Variants in SETD7 observed in about 807,000 individuals in gnomAD.
SETD7 encodes histone-lysine N-methyltransferase SETD7.
A neutral mutation model predicts 41.8 loss-of-function variants in SETD7; 16 were observed. That is an observed-to-expected ratio of 0.38 (90% CI 0.26 to 0.58). The LOEUF (loss-of-function observed/expected upper bound fraction) is 0.58, where lower values mean the gene tolerates loss of function less well. Ranked by LOEUF, SETD7 falls within the 20% of genes least tolerant of loss-of-function variation. The pLI is 0.64. For missense variants in SETD7, 346 were observed against 459.7 expected (o/e 0.75, Z 2.26); for synonymous variants, 163 against 169.7 (o/e 0.96, Z 0.31).
At chr4:139,549,697 T>C (rs1168911171) in intron 1 of SETD7, among the ~76,000 whole-genome samples, 1 of 152,156 alleles carries the variant, frequency 6.6e-6, no homozygotes, top group Non-Finnish European at 1.5e-5. Flanking sequence ...CCTCAACTTG[T>C]AGGCTCAAGT....
intron 5 of SETD7, among the ~76,000 whole-genome samples, chr4:139,520,975 G>C (rs1727163282): frequency 6.6e-6 from 1 of 152,120 alleles, no homozygotes; most frequent in African/African-American, 2.4e-5. Flanking sequence ...AGTTTTATTG[G>C]GACACAGCCA....
At chr4:139,548,487 C>T (rs1279681329) in intron 1 of SETD7, among the ~76,000 whole-genome samples, 1 of 152,166 alleles carries the variant, frequency 6.6e-6, no homozygotes, top group African/African-American at 2.4e-5. Context: ...AAAAAATTAG[C>T]CAGGCATGGT....
chr4:139,526,899 C>CATAG (rs1727349131), intron 4 of SETD7, among the ~76,000 whole-genome samples: 1 of 152,202 alleles, frequency 6.6e-6, no homozygotes, highest in African/African-American at 2.4e-5. Flanking sequence ...AGATCAAGGG[C>CATAG]ATAGATATCA....
In SETD7 at chr4:139,507,327, T is replaced by C. The variant is rs1726731424; in HGVS notation, c.*4336A>G. On this transcript the variant is annotated 3_prime_UTR_variant, in exon 8 of 8. Transcript: ENST00000274031. ...AACACACCTCCATTAGCACCTAACT[T>C]CCACCAGGAAGCGGCTGAGGCACTG... The C allele has an allele frequency of 2.6e-5, 4 of 152,632 alleles. No homozygotes were observed. In the South Asian group the frequency reaches 8.3e-4, roughly 32 times the overall value. The allele number at this position is 152,632 out of a possible 1,614,324, so 9.5% of individuals were successfully genotyped here.
Position 139,511,760 on chromosome 4 carries a change from T to C in SETD7, c.1004A>G (p.Tyr335Cys). ...CCCGGGGGGGCTGTGGTCATAGCCA[T>C]AGGCAACGGTGAGCTCTTCATCGGC... ...VEADEELTVA[Y>C]GYDHSPPGKS... Residue 335 changes from tyrosine (Y) to cysteine (C), a missense_variant, in exon 8 of 8, where the codon TAT becomes TGT. Transcript: ENST00000274031. 1 of 1,614,156 alleles carries C rather than the reference T, an allele frequency of 6.2e-7. No individual in the cohort carries two copies. Among genetic ancestry groups the C allele is most frequent in the Non-Finnish European group, 8.5e-7 (1 of 1,180,006 alleles).
At position 139,509,860 on chromosome 4, in the gene SETD7, G is replaced by T; in HGVS notation, c.*1803C>A. Reference sequence around the variant, plus strand: ...AAGCACTGACAACTTCCTCTCATGGGTGAACCATTGGCTTAAGCTTTCAAG... The same window carrying T: ...AAGCACTGACAACTTCCTCTCATGGTTGAACCATTGGCTTAAGCTTTCAAG... On this transcript the variant is annotated 3_prime_UTR_variant, in exon 8 of 8. Transcript: ENST00000274031. The T allele has an allele frequency of 1.0e-6, 1 of 985,434 alleles. No individual in the cohort carries two copies. The highest frequency in any genetic ancestry group is 1.2e-6 in the Non-Finnish European group (1 of 829,948). 61.0% of individuals were successfully genotyped at this position (985,434 alleles called of 1,614,324 possible). A position where few individuals can be genotyped will look rare whatever the true frequency, so the allele number is the denominator to read the frequency against.
intron 7 of SETD7, among the ~76,000 whole-genome samples, chr4:139,515,836 G>T (rs1727008240): frequency 6.6e-6 from 1 of 152,158 alleles, no homozygotes; most frequent in Non-Finnish European, 1.5e-5. Flanking sequence ...ATCTGATTTT[G>T]CTTATGCTAA....
At chr4:139,546,855 G>A (rs1727962441) in intron 2 of SETD7, 65 bp downstream of exon 2, 3 of 1,601,408 alleles carry the variant, frequency 1.9e-6, no homozygotes, top group Admixed American at 1.7e-5. Flanking sequence ...TCTTTCGTTT[G>A]TATTAGTCCT....
chr4:139,520,104 T>TA (rs200981058), intron 6 of SETD7, among the ~76,000 whole-genome samples, 173 bp downstream of exon 6: 1,715 of 152,154 alleles, frequency 0.011, 43 homozygotes, highest in African/African-American at 0.039. Flanking sequence ...CTGGAACTTT[T>TA]AAAAAAAATC....
intron 3 of SETD7, among the ~76,000 whole-genome samples, chr4:139,530,022 G>A (rs1489558798): frequency 2.0e-5 from 3 of 152,180 alleles, no homozygotes; most frequent in South Asian, 2.1e-4. Flanking sequence ...TTAGGGAAGA[G>A]GCTATCATAT....
chr4:139,496,329 C>A (rs1726454071), exon 8 of SETD7: 1 of 700,120 alleles, frequency 1.4e-6, no homozygotes, highest in Non-Finnish European at 2.6e-6. Context: ...AGGCAGAGTT[C>A]ATTCCATTCG....
intron 3 of SETD7, among the ~76,000 whole-genome samples, chr4:139,530,145 G>GTTTC (rs199851029): frequency 9.9e-5 from 15 of 152,092 alleles, no homozygotes; most frequent in East Asian, 3.9e-4. Flanking sequence ...TGCCAGAGAT[G>GTTTC]TTTCTTTCTT....
rs1417309842 is a variant in SETD7, at chr4:139,496,170, A to G, written c.*183T>C. ...TATCTAATCAAGTCCTGCTGGTTTG[A>G]GGGTCTTTTTCCCCCCTCTGGTGAC... On this transcript the variant is annotated 3_prime_UTR_variant, in exon 8 of 8. Transcript: ENST00000506866. The G allele has an allele frequency of 1.3e-5, 6 of 474,118 alleles. No homozygotes were observed. The Admixed American group carries it at 1.9e-4, about 15-fold the overall frequency. The allele number at this position is 474,118 out of a possible 1,614,324, so 29.4% of individuals were successfully genotyped here.
intron 5 of SETD7, 30 bp from the exon 6 acceptor site, chr4:139,520,424 CT>C: frequency 1.5e-6 from 2 of 1,315,600 alleles, no homozygotes; most frequent in Non-Finnish European, 2.1e-6. Context: ...GAATAGTGAC[CT>C]TTTCAGCTTA....
At chr4:139,518,169 C>T (rs752093193) in intron 6 of SETD7, 127 bp from the exon 7 acceptor site, 2 of 1,043,366 alleles carry the variant, frequency 1.9e-6, no homozygotes, top group Admixed American at 6.2e-5. Context: ...ACTCTGTCAC[C>T]TAGGCTGGAG....
At chr4:139,530,220 G>T (rs908653175) in intron 3 of SETD7, among the ~76,000 whole-genome samples, 2 of 151,980 alleles carry the variant, frequency 1.3e-5, no homozygotes, top group African/African-American at 2.4e-5. Flanking sequence ...AAGACCTTAG[G>T]GAGTTTGATT....
chr4:139,546,116 C>T (rs1238499296), intron 2 of SETD7: 1 of 152,406 alleles, frequency 6.6e-6, no homozygotes, highest in East Asian at 1.9e-4. Flanking sequence ...TGTCCTCAGA[C>T]AGGGGATGAG....
chr4:139,538,205 C>G (rs994725743), intron 2 of SETD7, among the ~76,000 whole-genome samples: 1 of 152,024 alleles, frequency 6.6e-6, no homozygotes, highest in Non-Finnish European at 1.5e-5. Flanking sequence ...AAATAAATAC[C>G]TCTAAAAAAA....
chr4:139,528,456 T>A (rs143396170), intron 4 of SETD7, among the ~76,000 whole-genome samples: 1 of 152,362 alleles, frequency 6.6e-6, no homozygotes, highest in Non-Finnish European at 1.5e-5. Context: ...ATTACTGCTG[T>A]CATTTCTTTA....
Sources: allele counts gnomAD v4.1 joint callset (sites outside exome capture counted in the v4.1 genomes callset), GRCh38; gene constraint gnomAD v4.1.1; transcripts MANE v1.5; gene names NCBI Gene and HGNC (gene_info 2026-07-23, HGNC 2026-07-21).